KCNT2: variants seen among roughly 807,000 people sequenced by gnomAD.
KCNT2 encodes the protein potassium channel subfamily T member 2.
Under a neutral mutation model 153.8 loss-of-function variants are expected in KCNT2, and 67 were observed. The ratio of observed to expected loss-of-function variants is 0.44; its 90% CI spans 0.36 to 0.53. The LOEUF (loss-of-function observed/expected upper bound fraction) is 0.53, where lower values mean the gene tolerates loss of function less well. KCNT2 is among the 20% of genes least tolerant of loss of function. KCNT2 has a pLI of 0.00. For synonymous variants in KCNT2, 500 were observed against 458.8 expected (o/e 1.09, Z -1.15); for missense variants, 975 against 1,354.8 (o/e 0.72, Z 4.40).
chr1:196,382,568 A>T (rs1042663284), intron 13 of KCNT2, among the ~76,000 whole-genome samples: 3 of 152,160 alleles, frequency 2.0e-5, no homozygotes, highest in African/African-American at 7.2e-5. Context: ...GGAAGGAAAA[A>T]TATTGCTGAG....
At chr1:196,323,864 A>G (rs1663576042) in intron 19 of KCNT2, among the ~76,000 whole-genome samples, 1 of 151,792 alleles carries the variant, frequency 6.6e-6, no homozygotes, top group African/African-American at 2.4e-5. Context: ...AATTCCTATA[A>G]TATGGAAATA....
At chr1:196,506,368 G>C (rs1164216536) in intron 1 of KCNT2, among the ~76,000 whole-genome samples, 2 of 152,046 alleles carry the variant, frequency 1.3e-5, no homozygotes, top group Non-Finnish European at 2.9e-5. Context: ...CGTATAATTG[G>C]AAAAACAAAA....
intron 13 of KCNT2, among the ~76,000 whole-genome samples, chr1:196,379,371 G>C (rs993127723): frequency 6.6e-6 from 1 of 152,052 alleles, no homozygotes. Context: ...AGGAGTTTGA[G>C]ACCAACCTGG....
rs539929591 is a variant in KCNT2 at position 196,325,995 on chromosome 1, A to G, written c.2276+722T>C. On this transcript the variant is annotated intron_variant, in intron 19 of 27. Transcript: ENST00000294725. ...TGACATTTGCATCACATTGGAATGG[A>G]TGAGGAGAGTGAGAGAATCCTAAAA... Among the ~76,000 whole-genome samples the G allele has an allele frequency of 5.3e-5, 8 of 152,224 alleles. No homozygotes were observed. In the East Asian group the frequency reaches 1.5e-3, roughly 29 times the overall value.
At chr1:196,468,726 T>A (rs115147516) in intron 6 of KCNT2, among the ~76,000 whole-genome samples, 8,697 of 152,142 alleles carry the variant, frequency 0.057, 395 homozygotes, top group Non-Finnish European at 0.085. Context: ...TCTAGTAATT[T>A]TAAACAACAA....
intron 1 of KCNT2, among the ~76,000 whole-genome samples, chr1:196,586,831 A>T (rs1274488973): frequency 6.6e-6 from 1 of 152,156 alleles, no homozygotes; most frequent in African/African-American, 2.4e-5. Flanking sequence ...TATTTTATTG[A>T]TAAAATGTGT....
At chr1:196,604,354 C>T (rs2149038472) in intron 1 of KCNT2, among the ~76,000 whole-genome samples, 1 of 152,250 alleles carries the variant, frequency 6.6e-6, no homozygotes, top group African/African-American at 2.4e-5. Context: ...TAATGGGGCC[C>T]TGAGACATAG....
chr1:196,374,919 A>G (rs890716333), intron 13 of KCNT2, among the ~76,000 whole-genome samples: 2 of 151,846 alleles, frequency 1.3e-5, no homozygotes, highest in Non-Finnish European at 3.0e-5. Flanking sequence ...GTAACAGAAA[A>G]TTTGGAAGGT....
At chr1:196,356,372 A>G (rs1054658799) in intron 14 of KCNT2, among the ~76,000 whole-genome samples, 2 of 151,760 alleles carry the variant, frequency 1.3e-5, no homozygotes, top group Admixed American at 6.6e-5. Flanking sequence ...TATATTCCCC[A>G]AAGTCCTAAC....
intron 1 of KCNT2, among the ~76,000 whole-genome samples, chr1:196,493,276 T>C (rs1230136881): frequency 6.6e-6 from 1 of 150,982 alleles, no homozygotes; most frequent in Non-Finnish European, 1.5e-5. Context: ...TTTCCTAATA[T>C]GGTAACATTT....
intron 3 of KCNT2, among the ~76,000 whole-genome samples, chr1:196,482,681 C>T (rs548247032): frequency 5.3e-5 from 8 of 151,766 alleles, no homozygotes; most frequent in South Asian, 2.1e-4. Context: ...AATTCTACAC[C>T]GAAAAGTCAT....
At chr1:196,548,628 C>T (rs1255411792) in intron 1 of KCNT2, among the ~76,000 whole-genome samples, 2 of 151,942 alleles carry the variant, frequency 1.3e-5, no homozygotes, top group African/African-American at 4.8e-5. Flanking sequence ...CTAGAAATAC[C>T]ATTTGACCCA....
Position 196,345,113 on chromosome 1 carries a change from T to C in KCNT2, c.1404-2885A>G, listed in dbSNP as rs577050773. ...TCAGGAAAGGCTTTAGATTCAAAGG[T>C]TATGGCAGTTAACAAAAAAGGTAAA... On this transcript the variant is annotated intron_variant, in intron 14 of 27. Coordinates refer to ENST00000294725, the MANE Select transcript of KCNT2 (RefSeq NM_198503.5). 3.9e-5 allele frequency among the ~76,000 whole-genome samples: 6 copies of C among 152,198 alleles called. No homozygotes were observed. The East Asian group carries it at 9.7e-4, about 25-fold the overall frequency.
chr1:196,495,912 TTGGG>T (rs1680215226), intron 1 of KCNT2, among the ~76,000 whole-genome samples: 1 of 152,200 alleles, frequency 6.6e-6, no homozygotes, highest in African/African-American at 2.4e-5. Context: ...AACATTTTAT[TTGGG>T]TAAATGTTAT....
At position 196,226,004 on chromosome 1, in the gene KCNT2, A is replaced by G. The variant is rs1653463954; in HGVS notation, c.*2220T>C. The stretch of plus-strand genomic sequence containing the variant: ...TATTCTTTAAATAACAGAAAGACTA[A>G]TAAATTATCATTATTGTAGCAAGCT... On this transcript the variant is annotated 3_prime_UTR_variant, in exon 28 of 28. Transcript: ENST00000294725. 6.6e-6 allele frequency: 1 copy of G among 152,110 alleles called. No individual in the cohort carries two copies. Among genetic ancestry groups the G allele is most frequent in the Non-Finnish European group, 1.5e-5 (1 of 67,938 alleles). The allele number at this position is 152,110 out of a possible 1,614,324, so 9.4% of individuals were successfully genotyped here.
intron 13 of KCNT2, among the ~76,000 whole-genome samples, chr1:196,380,947 T>C (rs930703550): frequency 6.6e-6 from 1 of 152,176 alleles, no homozygotes; most frequent in Non-Finnish European, 1.5e-5. Context: ...CCAATTCAGA[T>C]TGTGAGGCAT....
chr1:196,389,359 A>AT (rs891182229), intron 13 of KCNT2, among the ~76,000 whole-genome samples: 21 of 151,142 alleles, frequency 1.4e-4, no homozygotes, highest in South Asian at 8.3e-4. Flanking sequence ...ATCACTATAA[A>AT]TTTTTTTTTC....
At chr1:196,300,301 C>T (rs1404593242) in intron 22 of KCNT2, among the ~76,000 whole-genome samples, 2 of 152,152 alleles carry the variant, frequency 1.3e-5, no homozygotes, top group Non-Finnish European at 2.9e-5. Context: ...AGTTATCCTT[C>T]CGTGTTTTTA....
chr1:196,408,039 G>C lies in KCNT2; in HGVS notation c.1186-9368C>G, dbSNP rs1017903796. 1.3e-3 allele frequency among the ~76,000 whole-genome samples: 190 copies of C among 151,090 alleles called. 1 individual carries two copies. Among genetic ancestry groups the C allele is most frequent in the African/African-American group, 4.4e-3 (183 of 41,292 alleles). On this transcript the variant is annotated intron_variant, in intron 12 of 27. Transcript: ENST00000294725. The stretch of plus-strand genomic sequence containing the variant: ...TATAAATTCTTTCTCTGCTCCTTTG[G>C]GATGTGAATCTTCTCTGTGCCACTT...
Sources: gnomAD v4.1 joint callset for allele counts (sites outside exome capture counted in the v4.1 genomes callset) on GRCh38, gnomAD v4.1.1 for gene constraint, MANE v1.5 for transcripts, NCBI Gene and HGNC (gene_info 2026-07-23, HGNC 2026-07-21) for gene names.